The following INTS6 variants were observed in gnomAD, a reference collection of about 807,000 sequenced individuals.
INTS6 encodes the protein DEAD box protein.
A neutral mutation model predicts 104.9 loss-of-function variants in INTS6; 16 were observed. The ratio of observed to expected loss-of-function variants is 0.15; its 90% CI spans 0.10 to 0.23. The LOEUF is 0.23. Ranked by LOEUF, INTS6 falls within the 10% of genes least tolerant of loss-of-function variation. The pLI is 1.00. For synonymous variants in INTS6, 324 were observed against 358.7 expected (o/e 0.90, Z 1.09); for missense variants, 584 against 1,062.8 (o/e 0.55, Z 6.26).
chr13:51,346,907 A>C, the INTS6 span: 1 of 691,424 alleles, frequency 1.4e-6, no homozygotes, highest in East Asian at 2.7e-5. Context: ...GACCACCTTA[A>C]GCAAAAAGAC....
At chr13:51,353,002 T>C (rs1955422711), downstream of INTS6, among the ~76,000 whole-genome samples, 1 of 152,228 alleles carries the variant, frequency 6.6e-6, no homozygotes, top group Non-Finnish European at 1.5e-5. Flanking sequence ...TTTGCTAGTA[T>C]TTTGTTGAAG....
intron 3 of INTS6, chr13:51,446,278 G>A (rs1038066363): frequency 3.3e-5 from 5 of 152,140 alleles, no homozygotes; most frequent in Admixed American, 2.6e-4. Context: ...GAAAGACAGT[G>A]TACAAATGGC....
rs1593664365 is a variant in INTS6, at chr13:51,369,448, T to C, written c.2105-138A>G. The C allele has an allele frequency of 7.6e-6, 6 of 792,944 alleles. No individual in the cohort carries two copies. In the East Asian group the frequency reaches 1.6e-4, roughly 21 times the overall value. 49.1% of individuals were successfully genotyped at this position (792,944 alleles called of 1,614,324 possible). ...CAAGTTAACAAATAATGTGATATAG[T>C]TTTTAAGCATTGCCAAAGATACGGT... is the stretch of plus-strand genomic sequence containing the variant. On this transcript the variant is annotated intron_variant, in intron 15 of 17. Transcript: ENST00000311234.
At position 51,361,993 on chromosome 13, in the gene INTS6, TCTAG is replaced by T. The variant is rs1228553730; in HGVS notation, c.*3755_*3758del. 8.1e-6 allele frequency: 13 copies of T among 1,610,402 alleles called. No homozygotes were observed. The highest frequency in any genetic ancestry group is 1.3e-5 in the African/African-American group (1 of 74,680). ...TATCCCCTCAAAAATAAGCATTCTTTCTAGCTGTTTTTATGGTGCTTCAGAAGCT... is the reference window on the plus strand; with the variant it reads ...TATCCCCTCAAAAATAAGCATTCTTTCTGTTTTTATGGTGCTTCAGAAGCT... On this transcript the variant is annotated 3_prime_UTR_variant, in exon 18 of 18. Coordinates refer to ENST00000311234, the MANE Select transcript of INTS6 (RefSeq NM_012141.3).
At chr13:51,407,888 A>T (rs1382108656) in intron 4 of INTS6, among the ~76,000 whole-genome samples, 4 of 151,502 alleles carry the variant, frequency 2.6e-5, no homozygotes, top group Non-Finnish European at 5.9e-5. Context: ...ATGGTGGCAC[A>T]CGCCTGTAAT....
At position 51,430,396 on chromosome 13, in the gene INTS6, A is replaced by G; in HGVS notation, c.340-13T>C. 6.3e-7 allele frequency: 1 copy of G among 1,596,086 alleles called. No homozygotes were observed. The highest frequency in any genetic ancestry group is 8.6e-7 in the Non-Finnish European group (1 of 1,167,710). Reference sequence around the variant, plus strand: ...AAGGGTTTCTTCCCTAAAGTCAAAAAACACATTGATCATACAAAGATTTAG... The same window carrying G: ...AAGGGTTTCTTCCCTAAAGTCAAAAGACACATTGATCATACAAAGATTTAG... On this transcript the variant is annotated splice_polypyrimidine_tract_variant and intron_variant, in intron 3 of 17. Transcript: ENST00000311234.
downstream of INTS6, among the ~76,000 whole-genome samples, chr13:51,359,206 T>C (rs1955524433): frequency 6.6e-6 from 1 of 152,084 alleles, no homozygotes. Flanking sequence ...AATCCCTTTG[T>C]GCTTGACTTC....
downstream of INTS6, chr13:51,361,155 A>C: frequency 1.7e-6 from 1 of 602,456 alleles, no homozygotes; most frequent in Admixed American, 2.7e-5. Context: ...CTCTTTCCCT[A>C]GCTACACAGT....
At chr13:51,340,776 C>T in the INTS6 span, 1 of 430,786 alleles carries the variant, frequency 2.3e-6, no homozygotes, top group East Asian at 4.2e-5. Context: ...TGCTTCTGAT[C>T]TGACCAGGGC....
chr13:51,404,124 A>G (rs905229316), intron 4 of INTS6, among the ~76,000 whole-genome samples: 5 of 150,204 alleles, frequency 3.3e-5, no homozygotes, highest in African/African-American at 1.2e-4. Flanking sequence ...AGAGAGAGAG[A>G]CAACCCAGGC....
intron 5 of INTS6, among the ~76,000 whole-genome samples, chr13:51,391,560 A>C (rs1250820165): frequency 6.6e-6 from 1 of 152,132 alleles, no homozygotes; most frequent in Non-Finnish European, 1.5e-5. Flanking sequence ...ACTCCTTGGG[A>C]TATACAACAC....
chr13:51,409,302 T>G (rs975005902), intron 4 of INTS6, among the ~76,000 whole-genome samples: 10 of 147,322 alleles, frequency 6.8e-5, no homozygotes, highest in African/African-American at 2.5e-4. Context: ...ATAATAATAA[T>G]AATAATAATA....
chr13:51,435,114 A>G (rs1353129147), intron 3 of INTS6, among the ~76,000 whole-genome samples: 1 of 151,980 alleles, frequency 6.6e-6, no homozygotes, highest in Non-Finnish European at 1.5e-5. Context: ...AGCCTTTATC[A>G]TAATTATAAT....
rs1953089657 is a variant in INTS6, at chr13:51,452,649, ACT to A, written c.-126_-125del. On this transcript the variant is annotated 5_prime_UTR_variant, in exon 1 of 18. Coordinates refer to ENST00000311234, the MANE Select transcript of INTS6 (RefSeq NM_012141.3). The surrounding 1 kb of genome is among the most constrained non-coding windows in gnomAD (Gnocchi z 4.2). ...GGAGCACGGCCCCCGGGAGGAAAAC[ACT>A]GTCTGGGTCTTTCCTCCGGCTGCGG... 3 of 1,484,952 alleles carry A rather than the reference ACT, an allele frequency of 2.0e-6. No individual in the cohort carries two copies. The highest frequency in any genetic ancestry group is 2.9e-5 in the African/African-American group (2 of 68,694). The allele number at this position is 1,484,952 out of a possible 1,614,324, so 92.0% of individuals were successfully genotyped here. A position where few individuals can be genotyped will look rare whatever the true frequency, so the allele number is the denominator to read the frequency against.
At chr13:51,347,964 C>T in the INTS6 span, among the ~76,000 whole-genome samples, 3 of 152,108 alleles carry the variant, frequency 2.0e-5, no homozygotes, top group Admixed American at 6.5e-5. Flanking sequence ...CGTCCCCCCC[C>T]CCATACCCAG....
chr13:51,440,332 C>T (rs909165017), intron 3 of INTS6: 2 of 151,610 alleles, frequency 1.3e-5, no homozygotes, highest in Non-Finnish European at 2.9e-5. Flanking sequence ...ATATTTTATA[C>T]AGCTATGTTT....
intron 7 of INTS6, among the ~76,000 whole-genome samples, chr13:51,386,212 G>T (rs1214666393): frequency 6.6e-6 from 1 of 152,058 alleles, no homozygotes; most frequent in Admixed American, 6.5e-5. Flanking sequence ...TAGACTGCTA[G>T]AGCAGCATTA....
intron 15 of INTS6, among the ~76,000 whole-genome samples, chr13:51,370,925 T>C (rs76009888): frequency 0.013 from 1,955 of 152,280 alleles, 27 homozygotes; most frequent in Non-Finnish European, 0.022. Context: ...CCCAACCGCA[T>C]GCAGGTGTTG....
At chr13:51,351,998 A>G (rs997987016), downstream of INTS6, among the ~76,000 whole-genome samples, 2 of 152,108 alleles carry the variant, frequency 1.3e-5, no homozygotes, top group Non-Finnish European at 2.9e-5. Context: ...ATAGGCATAG[A>G]TATTTGTATA....
Sources: gnomAD v4.1 joint callset for allele counts (sites outside exome capture counted in the v4.1 genomes callset) on GRCh38, gnomAD v4.1.1 for gene constraint, Gnocchi (gnomAD v3.1) non-coding constraint, MANE v1.5 for transcripts, NCBI Gene and HGNC (gene_info 2026-07-23, HGNC 2026-07-21) for gene names.